Variants in BMERB1 observed in about 807,000 individuals in gnomAD.
BMERB1 encodes bMERB domain-containing protein 1.
Under a neutral mutation model 23.6 loss-of-function variants are expected in BMERB1, and 12 were observed. The observed-to-expected ratio is 0.51, with a 90% CI of 0.33 to 0.82. BMERB1 has a LOEUF of 0.82. Among genes scored for constraint, BMERB1 ranks in the 40% least tolerant of loss-of-function variants. The pLI, the probability that BMERB1 is intolerant of heterozygous loss-of-function variation, is 0.03. For synonymous variants in BMERB1, 122 were observed against 96.6 expected, an observed-to-expected ratio of 1.26 and a Z score of -1.54; for missense variants, 247 against 255.4, an observed-to-expected ratio of 0.97 and a Z score of 0.22.
intron 2 of BMERB1, among the ~76,000 whole-genome samples, chr16:15,560,886 G>A (rs2030397781): frequency 6.7e-6 from 1 of 149,554 alleles, no homozygotes; most frequent in Non-Finnish European, 1.5e-5. Context: ...GGTTTTACTT[G>A]TTAGCTCCAT....
intron 1 of BMERB1, among the ~76,000 whole-genome samples, chr16:15,465,335 G>A (rs1328547052): frequency 6.8e-6 from 1 of 147,436 alleles, no homozygotes; most frequent in Non-Finnish European, 1.5e-5. Flanking sequence ...TCCAAATTTG[G>A]TCAATGCTAA....
chr16:15,462,137 CTTTTTTTTTTTTTTTTT>C lies in BMERB1; in HGVS notation c.106+27394_106+27410del, dbSNP rs71152431. On this transcript the variant is annotated intron_variant, in intron 1 of 5. Coordinates refer to ENST00000300006, the MANE Select transcript of BMERB1 (RefSeq NM_033201.3). ...ATTCAAAGTTAACTGGATGTCCTGC[CTTTTTTTTTTTTTTTTT>C]TTTTTTTTTTTTTTTGAGGTGGAGC... 3.9e-4 allele frequency among the ~76,000 whole-genome samples: 22 copies of C among 56,958 alleles called. 1 individual carries two copies. The East Asian group carries it at 6.2e-3, about 16-fold the overall frequency. The allele number at this position is 56,958 out of a possible 152,430, so 37.4% of individuals were successfully genotyped here. A position where few individuals can be genotyped will look rare whatever the true frequency, so the allele number is the denominator to read the frequency against.
intron 1 of BMERB1, among the ~76,000 whole-genome samples, chr16:15,490,344 G>A (rs562991403): frequency 3.3e-5 from 5 of 152,244 alleles, no homozygotes; most frequent in South Asian, 4.1e-4. Flanking sequence ...GTGCAGTGGC[G>A]TGATCATGGC....
intron 1 of BMERB1, among the ~76,000 whole-genome samples, chr16:15,476,043 C>T (rs1034754989): frequency 1.3e-5 from 2 of 152,098 alleles, no homozygotes; most frequent in Non-Finnish European, 2.9e-5. Context: ...GGTCTAAAGC[C>T]CCCCTGTGAA....
chr16:15,564,268 C>T (rs775080385), intron 2 of BMERB1, among the ~76,000 whole-genome samples: 8 of 152,302 alleles, frequency 5.3e-5, no homozygotes, highest in Non-Finnish European at 7.3e-5. Flanking sequence ...TTCCCATAAG[C>T]CTAAGGACCA....
chr16:15,583,113 C>T, intron 4 of BMERB1, 43 bp from the exon 5 acceptor site: 2 of 1,440,190 alleles, frequency 1.4e-6, no homozygotes, highest in Non-Finnish European at 2.0e-6. Flanking sequence ...GCTTTCCTTG[C>T]TTGCTGTGTA....
At chr16:15,521,801 T>C (rs924464665) in intron 2 of BMERB1, among the ~76,000 whole-genome samples, 16 of 152,144 alleles carry the variant, frequency 1.1e-4, no homozygotes, top group African/African-American at 2.7e-4. Context: ...TGGCAGATAA[T>C]GCTTGAAACG....
chr16:15,509,561 T>C lies in BMERB1; in HGVS notation c.107-5744T>C, dbSNP rs1901588483. Among the ~76,000 whole-genome samples the C allele has an allele frequency of 2.0e-5, 3 of 152,180 alleles. No homozygotes were observed. The South Asian group carries it at 6.2e-4, about 32-fold the overall frequency. ...GACATAAAGGGACTCATTCGAGGTCTTGCGGCTGATGACTAGTGTCAAATG... is the reference window on the plus strand; with the variant it reads ...GACATAAAGGGACTCATTCGAGGTCCTGCGGCTGATGACTAGTGTCAAATG... On this transcript the variant is annotated intron_variant, in intron 1 of 5. Transcript: ENST00000300006.
chr16:15,480,606 C>CTTTTTTTTTTTTTTTTTTTT (rs1159247360), intron 1 of BMERB1, among the ~76,000 whole-genome samples: 1 of 58,962 alleles, frequency 1.7e-5, no homozygotes, highest in Non-Finnish European at 2.9e-5. Flanking sequence ...ATTCCACTGT[C>CTTTTTTTTTTTTTTTTTTTT]TTTTTTTTTT....
At chr16:15,585,172 C>T (rs1418499409) in intron 5 of BMERB1, among the ~76,000 whole-genome samples, 2 of 152,164 alleles carry the variant, frequency 1.3e-5, no homozygotes, top group African/African-American at 4.8e-5. Context: ...TGATCACTGC[C>T]GAAGGCCAGC....
intron 1 of BMERB1, among the ~76,000 whole-genome samples, chr16:15,448,270 C>A (rs2051008630): frequency 6.6e-6 from 1 of 152,152 alleles, no homozygotes; most frequent in Admixed American, 6.5e-5. Context: ...ATAAGAAGGT[C>A]AGCTAGGAGG....
intron 1 of BMERB1, among the ~76,000 whole-genome samples, chr16:15,461,644 C>A (rs190357981): frequency 6.6e-6 from 1 of 151,960 alleles, no homozygotes; most frequent in African/African-American, 2.4e-5. Context: ...TAGATGTGGC[C>A]GGATGTGGTA....
rs35697186 is a variant in BMERB1 at position 15,436,257 on chromosome 16, C to CT, written c.106+1516dup. Among the ~76,000 whole-genome samples the CT allele has an allele frequency of 2.7e-3, 315 of 114,606 alleles. 6 individuals carry two copies. The highest frequency in any genetic ancestry group is 8.1e-3 in the African/African-American group (237 of 29,386). The allele number at this position is 114,606 out of a possible 152,430, so 75.2% of individuals were successfully genotyped here. ...GACTAATTATACTCTTTTAGTTTAGCTTTTTTTTTTTTTTTTTTGAGACGG... is the reference window on the plus strand; with the variant it reads ...GACTAATTATACTCTTTTAGTTTAGCTTTTTTTTTTTTTTTTTTTGAGACGG... On this transcript the variant is annotated intron_variant, in intron 1 of 5. Transcript: ENST00000300006.
chr16:15,510,383 C>T (rs1004510104), intron 1 of BMERB1, among the ~76,000 whole-genome samples: 5 of 152,164 alleles, frequency 3.3e-5, no homozygotes, highest in Admixed American at 6.5e-5. Context: ...TGTTTCTTTG[C>T]GAAAATGAGA....
intron 5 of BMERB1, 32 bp from the exon 6 acceptor site, chr16:15,586,684 TC>T: frequency 6.5e-7 from 1 of 1,528,972 alleles, no homozygotes. Context: ...TGTTCCTTTC[TC>T]CCCCTCTCCC....
intron 1 of BMERB1, among the ~76,000 whole-genome samples, chr16:15,479,800 G>A (rs2051303895): frequency 6.6e-6 from 1 of 151,566 alleles, no homozygotes; most frequent in African/African-American, 2.4e-5. Flanking sequence ...AATTATTAAG[G>A]CCAGGTGTGG....
chr16:15,445,929 TAA>T (rs1303110894), intron 1 of BMERB1, among the ~76,000 whole-genome samples: 2 of 152,042 alleles, frequency 1.3e-5, no homozygotes, highest in African/African-American at 4.8e-5. Context: ...AGGAACAGAC[TAA>T]AGACACACTA....
chr16:15,463,757 G>A (rs1388352115), intron 1 of BMERB1, among the ~76,000 whole-genome samples: 1 of 151,874 alleles, frequency 6.6e-6, no homozygotes, highest in East Asian at 1.9e-4. Context: ...AGCTCCTGCT[G>A]CTGTTGACAC....
At chr16:15,543,183 T>C (rs1216402793) in intron 2 of BMERB1, among the ~76,000 whole-genome samples, 1 of 152,086 alleles carries the variant, frequency 6.6e-6, no homozygotes, top group Non-Finnish European at 1.5e-5. Context: ...CATCCTCAGA[T>C]GATCTCCTCT....
Sources: gnomAD v4.1 joint callset for allele counts (sites outside exome capture counted in the v4.1 genomes callset) on GRCh38, gnomAD v4.1.1 for gene constraint, MANE v1.5 for transcripts, NCBI Gene and HGNC (gene_info 2026-07-23, HGNC 2026-07-21) for gene names.